The following PCOLCE2 variants were observed in gnomAD, a reference collection of about 807,000 sequenced individuals.
PCOLCE2 encodes procollagen C-proteinase enhancer 2.
In PCOLCE2, 42 loss-of-function variants were observed where a neutral mutation model predicts 47.0. The observed-to-expected ratio is 0.89, with a 90% CI of 0.70 to 1.16. The LOEUF (loss-of-function observed/expected upper bound fraction) is 1.16. Among genes scored for constraint, PCOLCE2 ranks in the 50% most tolerant of loss-of-function variants. The pLI is 0.00. For synonymous variants in PCOLCE2, 169 were observed against 191.7 expected, an observed-to-expected ratio of 0.88 and a Z score of 0.98; for missense variants, 500 against 526.1, an observed-to-expected ratio of 0.95 and a Z score of 0.49.
At chr3:142,837,318 T>C (rs1223806303) in intron 5 of PCOLCE2, among the ~76,000 whole-genome samples, 1 of 152,244 alleles carries the variant, frequency 6.6e-6, no homozygotes, top group Non-Finnish European at 1.5e-5. Flanking sequence ...TGTGGCAATT[T>C]GTTACAGCAG....
intron 5 of PCOLCE2, among the ~76,000 whole-genome samples, chr3:142,835,314 G>A: frequency 6.6e-6 from 1 of 152,046 alleles, no homozygotes; most frequent in Non-Finnish European, 1.5e-5. Flanking sequence ...CTGATAAATT[G>A]CATCATTTAT....
At chr3:142,850,306 T>C (rs2108198410) in intron 2 of PCOLCE2, among the ~76,000 whole-genome samples, 1 of 152,322 alleles carries the variant, frequency 6.6e-6, no homozygotes, top group African/African-American at 2.4e-5. Context: ...GAAAAGAATC[T>C]CAAACTAATT....
intron 2 of PCOLCE2, among the ~76,000 whole-genome samples, chr3:142,865,909 G>A (rs1484500923): frequency 6.6e-6 from 1 of 152,070 alleles, no homozygotes; most frequent in African/African-American, 2.4e-5. Flanking sequence ...CCATAATAAC[G>A]ATGTCTAAAA....
chr3:142,863,544 C>T lies in PCOLCE2; in HGVS notation c.193-15072G>A, dbSNP rs549294523. On this transcript the variant is annotated intron_variant, in intron 2 of 8. Transcript: ENST00000295992. ...TTACAAGAGAAAACAACGTCTGAGGCCACAGACGACTGTCTTACTCTAGCC... is the reference window on the plus strand; with the variant it reads ...TTACAAGAGAAAACAACGTCTGAGGTCACAGACGACTGTCTTACTCTAGCC... Among the ~76,000 whole-genome samples, 24 of 152,108 alleles carry T rather than the reference C, an allele frequency of 1.6e-4. No individual in the cohort carries two copies. In the South Asian group the frequency reaches 5.0e-3, roughly 32 times the overall value.
rs775845872 is a variant in PCOLCE2, at chr3:142,848,341, G to A, written c.324C>T (p.Gly108=). ...ACACAAGGGCTCCAGGCCGGAAAGT[G>A]CCACAGAAGCGGCCAATGCGCTGGC... The part of the protein sequence containing the change: ...ANGQRIGRFC[G]TFRPGALVSS... The change falls in exon 3 of 9, where the codon GGC becomes GGT. Residue 108 remains glycine (G), a synonymous_variant. Coordinates refer to ENST00000295992, the MANE Select transcript of PCOLCE2 (RefSeq NM_013363.4). 5 of 1,614,256 alleles carry A rather than the reference G, an allele frequency of 3.1e-6. No individual in the cohort carries two copies. The Admixed American group carries it at 8.3e-5, about 27-fold the overall frequency.
intron 2 of PCOLCE2, among the ~76,000 whole-genome samples, chr3:142,872,525 C>T (rs1397367346): frequency 6.6e-6 from 1 of 152,160 alleles, no homozygotes; most frequent in Non-Finnish European, 1.5e-5. Flanking sequence ...GTTTGGCTCA[C>T]TGATAATATC....
At chr3:142,819,348 A>G (rs1167612401) in intron 8 of PCOLCE2, among the ~76,000 whole-genome samples, 1 of 152,200 alleles carries the variant, frequency 6.6e-6, no homozygotes, top group Non-Finnish European at 1.5e-5. Flanking sequence ...CTGGTGTGTC[A>G]TAGAGAAAAT....
rs771460551 is a variant in PCOLCE2 at position 142,887,673 on chromosome 3, A to AT, written c.187dup (p.Ile63AsnfsTer21). 5.9e-6 allele frequency: 9 copies of AT among 1,536,286 alleles called. No individual in the cohort carries two copies. The Admixed American group carries it at 1.5e-4, about 26-fold the overall frequency. ...ACCTTTTTAAAAAATGCTTACTGTG[A>AT]TTTTCCAAGTACATTTGCTATTTGG... On this transcript the variant is annotated frameshift_variant, in exon 2 of 9. Transcript: ENST00000295992. LOFTEE classifies it high-confidence loss of function.
intron 5 of PCOLCE2, 108 bp from the exon 6 acceptor site, chr3:142,829,954 GT>G (rs1937126844): frequency 1.7e-6 from 1 of 584,328 alleles, no homozygotes; most frequent in Admixed American, 3.3e-5. Context: ...ATTACCAGTT[GT>G]TTAAACTTAA....
rs79551436 is a variant in PCOLCE2 at position 142,821,447 on chromosome 3, G to C, written c.950-402C>G. On this transcript the variant is annotated intron_variant, in intron 7 of 8. Transcript: ENST00000295992. The stretch of plus-strand genomic sequence containing the variant: ...TACCACGCTAAAAGATTGCGCGATG[G>C]GGGTTTGGGCCACTAAGATGTGAGT... 7.2e-4 allele frequency among the ~76,000 whole-genome samples: 109 copies of C among 152,248 alleles called. 3 individuals carry two copies. In the East Asian group the frequency reaches 0.021, roughly 29 times the overall value.
intron 2 of PCOLCE2, among the ~76,000 whole-genome samples, chr3:142,850,766 T>C (rs914110430): frequency 9.9e-5 from 15 of 151,714 alleles, no homozygotes; most frequent in African/African-American, 3.6e-4. Flanking sequence ...TAAACAAGCT[T>C]TTCAAGGAGT....
At position 142,877,641 on chromosome 3, in the gene PCOLCE2, A is replaced by C. The variant is rs976407223; in HGVS notation, c.192+10028T>G. 2.0e-5 allele frequency among the ~76,000 whole-genome samples: 3 copies of C among 152,310 alleles called. No homozygotes were observed. The East Asian group carries it at 5.8e-4, about 29-fold the overall frequency. On this transcript the variant is annotated intron_variant, in intron 2 of 8. Coordinates refer to ENST00000295992, the MANE Select transcript of PCOLCE2 (RefSeq NM_013363.4). ...GATACTAACTTTAGAAAGTCCCAGAAACTTAATCACATACCTAGTAAATTA... is the reference window on the plus strand; with the variant it reads ...GATACTAACTTTAGAAAGTCCCAGACACTTAATCACATACCTAGTAAATTA...
intron 2 of PCOLCE2, among the ~76,000 whole-genome samples, chr3:142,849,433 G>A (rs531484344): frequency 2.6e-5 from 4 of 152,218 alleles, no homozygotes; most frequent in African/African-American, 7.2e-5. Flanking sequence ...GAGACACAAT[G>A]CGCTAATGAA....
chr3:142,840,316 T>G (rs939902244), intron 4 of PCOLCE2, among the ~76,000 whole-genome samples: 5 of 152,174 alleles, frequency 3.3e-5, no homozygotes, highest in Admixed American at 3.3e-4. Context: ...AAATAGGCAA[T>G]CAATCATTCC....
At chr3:142,856,710 T>G (rs761642229) in intron 2 of PCOLCE2, among the ~76,000 whole-genome samples, 1 of 152,228 alleles carries the variant, frequency 6.6e-6, no homozygotes. Context: ...AGAGATAACG[T>G]TGAAAACGAA....
intron 6 of PCOLCE2, among the ~76,000 whole-genome samples, chr3:142,827,924 C>T (rs754906845): frequency 3.3e-5 from 5 of 152,182 alleles, no homozygotes; most frequent in African/African-American, 9.7e-5. Context: ...TGTGCAAGCC[C>T]GGGACCTGGG....
intron 5 of PCOLCE2, among the ~76,000 whole-genome samples, chr3:142,834,072 G>C (rs1937178977): frequency 6.6e-6 from 1 of 152,148 alleles, no homozygotes; most frequent in Non-Finnish European, 1.5e-5. Flanking sequence ...CCTGCTGACT[G>C]ATGGTTCTCT....
intron 2 of PCOLCE2, among the ~76,000 whole-genome samples, chr3:142,865,908 C>A (rs565464784): frequency 4.4e-4 from 67 of 152,240 alleles, no homozygotes; most frequent in Admixed American, 3.8e-3. Context: ...ACCATAATAA[C>A]GATGTCTAAA....
In PCOLCE2 at chr3:142,829,680, A is replaced by G. The variant is rs968862956; in HGVS notation, c.865+12T>C. ...AAAGTTTTTGCACAAACTTCCAAACAGGAAAACTTACCCGTGGTTACAGGG... is the reference window on the plus strand; with the variant it reads ...AAAGTTTTTGCACAAACTTCCAAACGGGAAAACTTACCCGTGGTTACAGGG... On this transcript the variant is annotated intron_variant, in intron 6 of 8. Coordinates refer to ENST00000295992, the MANE Select transcript of PCOLCE2 (RefSeq NM_013363.4). 6.4e-7 allele frequency: 1 copy of G among 1,557,500 alleles called. No homozygotes were observed. Among genetic ancestry groups the G allele is most frequent in the Non-Finnish European group, 8.7e-7 (1 of 1,154,228 alleles).
Sources: allele counts gnomAD v4.1 joint callset (sites outside exome capture counted in the v4.1 genomes callset), GRCh38; gene constraint gnomAD v4.1.1; transcripts MANE v1.5; gene names NCBI Gene and HGNC (gene_info 2026-07-23, HGNC 2026-07-21).